The following DPP10 variants were observed in gnomAD, a reference collection of about 807,000 sequenced individuals.
The protein encoded by DPP10 is inactive dipeptidyl peptidase 10.
A neutral mutation model predicts 120.9 loss-of-function variants in DPP10; 33 were observed. The ratio of observed to expected loss-of-function variants is 0.27; its 90% CI spans 0.21 to 0.37. The LOEUF (loss-of-function observed/expected upper bound fraction) is 0.37. DPP10 is among the 10% of genes least tolerant of loss of function. The probability of loss-of-function intolerance (pLI) is 1.00; values close to 1 mark genes in which losing one functional copy is unlikely to be tolerated. For missense variants in DPP10, 816 were observed against 942.8 expected, an observed-to-expected ratio of 0.87 and a Z score of 1.76; for synonymous variants, 337 against 326.1, an observed-to-expected ratio of 1.03 and a Z score of -0.36.
intron 4 of DPP10, among the ~76,000 whole-genome samples, chr2:115,517,270 T>G (rs987415286): frequency 1.3e-5 from 2 of 152,198 alleles, no homozygotes; most frequent in Non-Finnish European, 2.9e-5. Context: ...TGCATGGCTT[T>G]CAACCTTGGA....
intron 1 of DPP10, among the ~76,000 whole-genome samples, chr2:115,194,369 C>T (rs1269771648): frequency 6.6e-6 from 1 of 152,136 alleles, no homozygotes; most frequent in Non-Finnish European, 1.5e-5. Flanking sequence ...GGATAACAGG[C>T]ATGCGCCACC....
At chr2:114,984,562 C>T (rs976169146) in intron 1 of DPP10, among the ~76,000 whole-genome samples, 2 of 151,976 alleles carry the variant, frequency 1.3e-5, no homozygotes, top group African/African-American at 4.8e-5. Context: ...GAGGCTGACA[C>T]AGAAGGATGG....
chr2:115,199,980 T>C lies in DPP10; in HGVS notation c.61-109259T>C, dbSNP rs2105287915. 1.3e-5 allele frequency among the ~76,000 whole-genome samples: 2 copies of C among 152,224 alleles called. 1 individual carries two copies. Among genetic ancestry groups the C allele is most frequent in the Non-Finnish European group, 2.9e-5 (2 of 68,010 alleles). On this transcript the variant is annotated intron_variant, in intron 1 of 25. Transcript: ENST00000410059. ...GCTGACCTTTAACCAACAGGAAGTATATAAAATATCTGCAGAGTAGAATGA... is the reference window on the plus strand; with the variant it reads ...GCTGACCTTTAACCAACAGGAAGTACATAAAATATCTGCAGAGTAGAATGA...
At chr2:114,718,192 G>A (rs1025231015) in intron 1 of DPP10, among the ~76,000 whole-genome samples, 1 of 151,538 alleles carries the variant, frequency 6.6e-6, no homozygotes, top group Non-Finnish European at 1.5e-5. Flanking sequence ...ATTTCCCTTT[G>A]TCATTTGTGT....
intron 1 of DPP10, among the ~76,000 whole-genome samples, chr2:115,104,817 C>T (rs1573629977): frequency 1.3e-5 from 2 of 152,248 alleles, no homozygotes; most frequent in South Asian, 4.1e-4. Context: ...ACCATCCTGG[C>T]CAACATGGTG....
intron 25 of DPP10, among the ~76,000 whole-genome samples, chr2:115,841,203 A>T (rs1559229489): frequency 6.6e-6 from 1 of 151,140 alleles, no homozygotes; most frequent in Admixed American, 6.6e-5. Context: ...TAAATATGAG[A>T]GTTTATTATT....
chr2:114,905,873 T>C (rs1480254985), intron 1 of DPP10, among the ~76,000 whole-genome samples: 1 of 152,200 alleles, frequency 6.6e-6, no homozygotes, highest in Non-Finnish European at 1.5e-5. Context: ...TAATTGATTT[T>C]TGTGTATTGA....
chr2:114,593,222 G>C (rs1483941145), intron 1 of DPP10, among the ~76,000 whole-genome samples: 1 of 152,150 alleles, frequency 6.6e-6, no homozygotes, highest in Admixed American at 6.6e-5. Flanking sequence ...TAAGAAGAAG[G>C]CTGCAGCATG....
intron 1 of DPP10, among the ~76,000 whole-genome samples, chr2:115,267,418 G>T (rs992504047): frequency 2.0e-5 from 3 of 152,124 alleles, no homozygotes; most frequent in Admixed American, 2.0e-4. Context: ...GAGTAGCAGG[G>T]ACTTGTTTTT....
At position 115,809,845 on chromosome 2, in the gene DPP10, T is replaced by G. The variant is rs116516534; in HGVS notation, c.1701-4948T>G. 2.9e-3 allele frequency among the ~76,000 whole-genome samples: 449 copies of G among 152,286 alleles called. 2 individuals are homozygous for G. Among genetic ancestry groups the G allele is most frequent in the Middle Eastern group, 6.8e-3 (2 of 294 alleles). ...CTTCCATTTATTATAACTAAAGCTT[T>G]ACTGATAAGGATAAGAGCTTTCAAA... On this transcript the variant is annotated intron_variant, in intron 19 of 25. Transcript: ENST00000410059.
intron 1 of DPP10, among the ~76,000 whole-genome samples, chr2:114,494,110 A>AAC: frequency 6.9e-6 from 1 of 145,662 alleles, no homozygotes; most frequent in African/African-American, 2.5e-5. Context: ...GCAAAAAAAA[A>AAC]AAAAAAAAAA....
At chr2:115,069,598 C>T (rs976358189) in intron 1 of DPP10, among the ~76,000 whole-genome samples, 1 of 151,956 alleles carries the variant, frequency 6.6e-6, no homozygotes, top group African/African-American at 2.4e-5. Flanking sequence ...ATTACAAAGA[C>T]AAATAAAAGG....
intron 1 of DPP10, among the ~76,000 whole-genome samples, chr2:115,064,391 T>C (rs1706669622): frequency 2.0e-5 from 3 of 152,094 alleles, no homozygotes; most frequent in Admixed American, 1.3e-4. Flanking sequence ...GGGCTGAGCA[T>C]TACAAGGTAA....
At chr2:114,666,250 G>A (rs189301134) in intron 1 of DPP10, among the ~76,000 whole-genome samples, 299 of 152,290 alleles carry the variant, frequency 2.0e-3, no homozygotes, top group African/African-American at 6.8e-3. Context: ...GATATAAAAT[G>A]TGTGTTCTAC....
At chr2:115,176,703 GAA>G (rs1258877240) in intron 1 of DPP10, among the ~76,000 whole-genome samples, 1 of 152,194 alleles carries the variant, frequency 6.6e-6, no homozygotes, top group East Asian at 1.9e-4. Context: ...GTACAAGTTA[GAA>G]CTGTCATCCT....
intron 3 of DPP10, among the ~76,000 whole-genome samples, chr2:115,408,104 C>T (rs913163061): frequency 6.6e-6 from 1 of 151,954 alleles, no homozygotes; most frequent in African/African-American, 2.4e-5. Context: ...GACAGGGTGC[C>T]ATCCATGGGT....
intron 1 of DPP10, chr2:115,050,283 A>G (rs548693653): frequency 6.6e-6 from 1 of 152,308 alleles, no homozygotes; most frequent in African/African-American, 2.4e-5. Flanking sequence ...TCCTCATCTT[A>G]GTGATGGTAG....
intron 1 of DPP10, among the ~76,000 whole-genome samples, chr2:115,005,735 G>A (rs1037242161): frequency 1.3e-3 from 198 of 152,136 alleles, no homozygotes; most frequent in Non-Finnish European, 2.1e-3. Context: ...CCAAATCTGC[G>A]TCTGATTGGT....
At position 115,385,420 on chromosome 2, in the gene DPP10, A is replaced by G. The variant is rs373206496; in HGVS notation, c.271+41508A>G. Among the ~76,000 whole-genome samples the G allele has an allele frequency of 2.0e-5, 3 of 151,746 alleles. No individual in the cohort carries two copies. In the East Asian group the frequency reaches 5.8e-4, roughly 30 times the overall value. ...GCCCAGGCTGGAGTGCAGTGGCACA[A>G]TCTTGCCTCACTGCAACCTCTGCCT... is the stretch of plus-strand genomic sequence containing the variant. On this transcript the variant is annotated intron_variant, in intron 3 of 25. Coordinates refer to ENST00000410059, the MANE Select transcript of DPP10 (RefSeq NM_020868.6).
Sources: allele counts gnomAD v4.1 joint callset (sites outside exome capture counted in the v4.1 genomes callset), GRCh38; gene constraint gnomAD v4.1.1; transcripts MANE v1.5; gene names NCBI Gene and HGNC (gene_info 2026-07-23, HGNC 2026-07-21).